The following BMAL1 variants were observed in gnomAD, a reference collection of about 807,000 sequenced individuals.
BMAL1 encodes the protein basic helix-loop-helix ARNT-like protein 1.
the BMAL1 span, among the ~76,000 whole-genome samples, chr11:13,364,451 T>G: frequency 6.6e-6 from 1 of 152,226 alleles, no homozygotes; most frequent in Non-Finnish European, 1.5e-5. Context: ...AAGGCCCTTT[T>G]GTGGAAAAAG....
chr11:13,363,528 G>A, the BMAL1 span, among the ~76,000 whole-genome samples: 14 of 152,146 alleles, frequency 9.2e-5, no homozygotes, highest in Non-Finnish European at 1.5e-4. Context: ...CAGAAAGCCA[G>A]GTCTACTCAG....
At chr11:13,357,273 C>A in the BMAL1 span, among the ~76,000 whole-genome samples, 1 of 152,250 alleles carries the variant, frequency 6.6e-6, no homozygotes, top group Non-Finnish European at 1.5e-5. This position sits in a 1 kb window ranked among gnomAD's most constrained non-coding sequence, Gnocchi z 4.8. Flanking sequence ...TCCATGCTCT[C>A]CATACTGGCT....
the BMAL1 span, among the ~76,000 whole-genome samples, chr11:13,281,055 G>A: frequency 3.3e-5 from 5 of 152,150 alleles, no homozygotes; most frequent in Non-Finnish European, 7.4e-5. Flanking sequence ...GTCTGTGTGA[G>A]GATTAAGGGA....
At chr11:13,300,100 A>G in the BMAL1 span, among the ~76,000 whole-genome samples, 2 of 152,172 alleles carry the variant, frequency 1.3e-5, no homozygotes, top group East Asian at 1.9e-4. Flanking sequence ...CCCCTGCACT[A>G]TGGCCTCTCT....
chr11:13,382,510 C>A, the BMAL1 span, among the ~76,000 whole-genome samples: 1 of 152,026 alleles, frequency 6.6e-6, no homozygotes, highest in African/African-American at 2.4e-5. Context: ...TGACCCCCGC[C>A]CCCCTGCCCA....
At chr11:13,306,340 G>A in the BMAL1 span, among the ~76,000 whole-genome samples, 1 of 152,162 alleles carries the variant, frequency 6.6e-6, no homozygotes, top group Admixed American at 6.5e-5. Context: ...TCCTGGCCGT[G>A]ACAGTAGAAC....
At chr11:13,354,344 C>T in the BMAL1 span, 1 of 1,613,406 alleles carries the variant, frequency 6.2e-7, no homozygotes, top group African/African-American at 1.3e-5. Flanking sequence ...CTTCAACCAT[C>T]AGTGATTTCA....
At chr11:13,358,413 G>GTT in the BMAL1 span, 99 of 1,508,720 alleles carry the variant, frequency 6.6e-5, no homozygotes, top group East Asian at 2.3e-3. Flanking sequence ...ATAAGAAATC[G>GTT]TTTTTCATAT....
chr11:13,377,156 G>A, the BMAL1 span, among the ~76,000 whole-genome samples: 2 of 152,132 alleles, frequency 1.3e-5, no homozygotes, highest in Non-Finnish European at 2.9e-5. Context: ...CCCTGCCCCT[G>A]CTGTCCACGC....
chr11:13,299,777 T>C, the BMAL1 span, among the ~76,000 whole-genome samples: 1 of 152,184 alleles, frequency 6.6e-6, no homozygotes, highest in Non-Finnish European at 1.5e-5. Context: ...GTCGGAGGCC[T>C]TGGCTGAGGT....
the BMAL1 span, among the ~76,000 whole-genome samples, chr11:13,284,266 A>ATTTTT: frequency 8.6e-3 from 386 of 44,642 alleles, 55 homozygotes; most frequent in Non-Finnish European, 0.015. Context: ...ATATATATAT[A>ATTTTT]TTTTTTTTTT....
the BMAL1 span, among the ~76,000 whole-genome samples, chr11:13,318,035 G>A: frequency 5.9e-5 from 9 of 152,210 alleles, no homozygotes; most frequent in Non-Finnish European, 5.9e-5. Context: ...AGTGGGCCTG[G>A]GCCCGTCTTC....
At chr11:13,381,179 T>A in the BMAL1 span, 3 of 1,614,162 alleles carry the variant, frequency 1.9e-6, no homozygotes, top group Non-Finnish European at 2.5e-6. Flanking sequence ...GGTCATCGCC[T>A]TCTAGCTGTG....
chr11:13,381,463 G>GT, the BMAL1 span, among the ~76,000 whole-genome samples: 1 of 152,234 alleles, frequency 6.6e-6, no homozygotes, highest in Non-Finnish European at 1.5e-5. Context: ...TTTCTTCCAT[G>GT]TGAGTGGAAG....
At chr11:13,375,589 C>T in the BMAL1 span, 5 of 1,538,514 alleles carry the variant, frequency 3.2e-6, no homozygotes, top group East Asian at 6.9e-5. Context: ...ACAACAATGT[C>T]CATGTTTTCT....
the BMAL1 span, among the ~76,000 whole-genome samples, chr11:13,290,177 G>A: frequency 6.6e-6 from 1 of 152,178 alleles, no homozygotes; most frequent in Non-Finnish European, 1.5e-5. Context: ...CTGCATAAAT[G>A]TCTTCTTTTG....
At chr11:13,367,689 A>AG in the BMAL1 span, among the ~76,000 whole-genome samples, 1 of 140,780 alleles carries the variant, frequency 7.1e-6, no homozygotes, top group African/African-American at 2.6e-5. Context: ...TGGGTAACAG[A>AG]GCAAGACTCT....
the BMAL1 span, among the ~76,000 whole-genome samples, chr11:13,333,289 G>C: frequency 5.3e-5 from 8 of 152,158 alleles, no homozygotes; most frequent in Admixed American, 3.9e-4. Context: ...AAATCGTCCA[G>C]AGTAAGAAAA....
chr11:13,299,562 C>T, the BMAL1 span, among the ~76,000 whole-genome samples: 1 of 152,090 alleles, frequency 6.6e-6, no homozygotes, highest in Non-Finnish European at 1.5e-5. Flanking sequence ...TTACTTTGGC[C>T]TCTTGTATTT....
Sources: gnomAD v4.1 joint callset for allele counts (sites outside exome capture counted in the v4.1 genomes callset) on GRCh38, gnomAD v4.1.1 for gene constraint, Gnocchi (gnomAD v3.1) non-coding constraint, MANE v1.5 for transcripts, NCBI Gene and HGNC (gene_info 2026-07-23, HGNC 2026-07-21) for gene names.